The following CFDP1 variants were observed in gnomAD, a reference collection of about 807,000 sequenced individuals.
CFDP1 encodes the protein chromatin remodeling protein CFDP1.
Under a neutral mutation model 40.1 loss-of-function variants are expected in CFDP1, and 31 were observed. That is an observed-to-expected ratio of 0.77 (90% CI 0.58 to 1.04). The LOEUF (loss-of-function observed/expected upper bound fraction) is 1.04, where lower values mean the gene tolerates loss of function less well. Ranked by LOEUF, CFDP1 falls within the 50% of genes least tolerant of loss-of-function variation. CFDP1 has a pLI of 0.00. For synonymous variants in CFDP1, 167 were observed against 120.0 expected, an observed-to-expected ratio of 1.39 and a Z score of -2.56; for missense variants, 423 against 343.4, an observed-to-expected ratio of 1.23 and a Z score of -1.83.
At chr16:75,305,985 C>A (rs1445571894) in intron 5 of CFDP1, among the ~76,000 whole-genome samples, 2 of 152,112 alleles carry the variant, frequency 1.3e-5, no homozygotes, top group Non-Finnish European at 2.9e-5. Context: ...CAAATGTTTC[C>A]AGTCATTGTT....
chr16:75,344,166 A>G (rs1050990254), intron 5 of CFDP1, among the ~76,000 whole-genome samples: 1 of 152,226 alleles, frequency 6.6e-6, no homozygotes, highest in Admixed American at 6.5e-5. Context: ...GCAGTAGTGC[A>G]TAAATTCTGA....
chr16:75,337,643 G>C (rs555505859), intron 5 of CFDP1, among the ~76,000 whole-genome samples: 2 of 152,298 alleles, frequency 1.3e-5, no homozygotes, highest in South Asian at 4.1e-4. Flanking sequence ...GGGAAGGGGA[G>C]GCAAGCACGT....
intron 1 of CFDP1, among the ~76,000 whole-genome samples, chr16:75,419,709 A>G (rs2079254993): frequency 6.6e-6 from 1 of 152,208 alleles, no homozygotes; most frequent in Non-Finnish European, 1.5e-5. Flanking sequence ...GCCGTAAAGA[A>G]GCTGGCTAAA....
chr16:75,317,329 T>A (rs140194900), intron 5 of CFDP1, among the ~76,000 whole-genome samples: 296 of 152,336 alleles, frequency 1.9e-3, no homozygotes, highest in African/African-American at 6.5e-3. Context: ...AAAGAGATAA[T>A]GCTGCAGCCC....
intron 5 of CFDP1, among the ~76,000 whole-genome samples, chr16:75,323,092 T>G (rs1455774031): frequency 6.6e-6 from 1 of 152,192 alleles, no homozygotes; most frequent in Non-Finnish European, 1.5e-5. Context: ...TTTAATCTTT[T>G]AAAACTTTTT....
chr16:75,332,592 G>C (rs1041633199), intron 5 of CFDP1, among the ~76,000 whole-genome samples: 3 of 151,840 alleles, frequency 2.0e-5, no homozygotes, highest in Admixed American at 6.6e-5. Flanking sequence ...CTTTAAGCCC[G>C]AGAGGTTGAG....
intron 4 of CFDP1, among the ~76,000 whole-genome samples, chr16:75,406,993 C>T (rs2079105984): frequency 1.3e-5 from 2 of 152,206 alleles, no homozygotes; most frequent in African/African-American, 4.8e-5. Context: ...TGTACTCCAG[C>T]TTGGGTGACA....
intron 5 of CFDP1, among the ~76,000 whole-genome samples, chr16:75,330,662 C>A (rs1379574416): frequency 6.6e-6 from 1 of 152,156 alleles, no homozygotes; most frequent in Non-Finnish European, 1.5e-5. Flanking sequence ...AGAGGTCTTT[C>A]TTCTACAGCT....
intron 5 of CFDP1, among the ~76,000 whole-genome samples, chr16:75,377,332 G>C (rs2078808629): frequency 6.6e-6 from 1 of 152,232 alleles, no homozygotes; most frequent in Non-Finnish European, 1.5e-5. Context: ...ATATTGAAGT[G>C]TGGAGTATAA....
chr16:75,421,299 T>C (rs1002481340), intron 1 of CFDP1, among the ~76,000 whole-genome samples: 3 of 152,168 alleles, frequency 2.0e-5, no homozygotes, highest in Admixed American at 6.5e-5. Context: ...AAGCTTCAAA[T>C]TGTCTGTGAG....
At chr16:75,431,499 G>A (rs1298707368) in intron 1 of CFDP1, among the ~76,000 whole-genome samples, 1 of 148,610 alleles carries the variant, frequency 6.7e-6, no homozygotes, top group African/African-American at 2.5e-5. Context: ...AAAATCGATC[G>A]GGTGTGCTGG....
chr16:75,430,044 G>C (rs906038697), intron 1 of CFDP1, among the ~76,000 whole-genome samples: 6 of 152,194 alleles, frequency 3.9e-5, no homozygotes, highest in African/African-American at 1.4e-4. Flanking sequence ...GACAACTCGG[G>C]GTGGGAGTGC....
At chr16:75,331,756 T>C (rs1412722481) in intron 5 of CFDP1, among the ~76,000 whole-genome samples, 1 of 152,240 alleles carries the variant, frequency 6.6e-6, no homozygotes, top group Non-Finnish European at 1.5e-5. Context: ...GATGGACACC[T>C]GGTTGTTTCC....
intron 5 of CFDP1, among the ~76,000 whole-genome samples, chr16:75,358,433 A>G (rs2078660312): frequency 6.6e-6 from 1 of 152,118 alleles, no homozygotes. Flanking sequence ...AAAAAAATGA[A>G]ACAGCAAGTT....
At chr16:75,407,018 A>G (rs1286919491) in intron 4 of CFDP1, among the ~76,000 whole-genome samples, 2 of 152,164 alleles carry the variant, frequency 1.3e-5, no homozygotes, top group African/African-American at 2.4e-5. Context: ...CTCCATCTCA[A>G]ATAAACAAAT....
intron 5 of CFDP1, among the ~76,000 whole-genome samples, chr16:75,344,479 ACAAC>A: frequency 6.6e-6 from 1 of 152,246 alleles, no homozygotes; most frequent in Non-Finnish European, 1.5e-5. Context: ...TCGTGACTGA[ACAAC>A]CACGTTATAG....
At chr16:75,417,512 A>G (rs750636183) in intron 1 of CFDP1, among the ~76,000 whole-genome samples, 10 of 152,218 alleles carry the variant, frequency 6.6e-5, no homozygotes, top group Non-Finnish European at 1.3e-4. Context: ...CTGGATGAGG[A>G]AAAAGGAAGA....
In CFDP1 at chr16:75,311,906, G is replaced by C. The variant is rs181789328; in HGVS notation, c.651-6724C>G. 3.3e-5 allele frequency among the ~76,000 whole-genome samples: 5 copies of C among 151,862 alleles called. No homozygotes were observed. In the East Asian group the frequency reaches 5.8e-4, roughly 18 times the overall value. ...AGGCTCATACAATTGCATCCATCAG[G>C]AATTTTTGTAGCTCATTCATGAACT... On this transcript the variant is annotated intron_variant, in intron 5 of 6. Transcript: ENST00000283882.
chr16:75,405,842 C>T (rs1051606445), intron 4 of CFDP1, among the ~76,000 whole-genome samples: 3 of 151,424 alleles, frequency 2.0e-5, no homozygotes, highest in African/African-American at 7.3e-5. Context: ...CTGCCTGAGC[C>T]CAGGAGGCAG....
Sources: gnomAD v4.1 joint callset for allele counts (sites outside exome capture counted in the v4.1 genomes callset) on GRCh38, gnomAD v4.1.1 for gene constraint, MANE v1.5 for transcripts, NCBI Gene and HGNC (gene_info 2026-07-23, HGNC 2026-07-21) for gene names.